ACAD10: variants seen among roughly 807,000 people sequenced by gnomAD.
ACAD10 encodes ACAD-10.
In ACAD10, 112 loss-of-function variants were observed where a neutral mutation model predicts 116.8. The ratio of observed to expected loss-of-function variants is 0.96; its 90% CI spans 0.82 to 1.12. The LOEUF is 1.12. Ranked by LOEUF, ACAD10 falls within the 50% of genes most tolerant of loss-of-function variation. ACAD10 has a pLI of 0.00. For synonymous variants in ACAD10, 486 were observed against 510.6 expected, an observed-to-expected ratio of 0.95 and a Z score of 0.65; for missense variants, 1,259 against 1,350.2, an observed-to-expected ratio of 0.93 and a Z score of 1.06.
chr12:111,741,453 C>T (rs1178643231), intron 12 of ACAD10, among the ~76,000 whole-genome samples: 1 of 152,212 alleles, frequency 6.6e-6, no homozygotes, highest in Non-Finnish European at 1.5e-5. Context: ...GCCTGTCTCT[C>T]AGGAAGCCCT....
chr12:111,739,223 A>G (rs2135983548), intron 12 of ACAD10, among the ~76,000 whole-genome samples: 1 of 152,310 alleles, frequency 6.6e-6, no homozygotes, highest in East Asian at 1.9e-4. Flanking sequence ...CAGACATTAT[A>G]TACCTCCTGA....
At position 111,721,663 on chromosome 12, in the gene ACAD10, C is replaced by A; in HGVS notation, c.993-8C>A. 1 of 1,593,472 alleles carries A rather than the reference C, an allele frequency of 6.3e-7. No individual in the cohort carries two copies. Among genetic ancestry groups the A allele is most frequent in the Non-Finnish European group, 8.6e-7 (1 of 1,165,000 alleles). On this transcript the variant is annotated splice_region_variant and splice_polypyrimidine_tract_variant and intron_variant, in intron 7 of 20. Coordinates refer to ENST00000313698, the MANE Select transcript of ACAD10 (RefSeq NM_025247.6). Reference sequence around the variant, plus strand: ...AGCAATTTTGTTTATTTTCATTTGTCCTTGCAGGATTATGAAAGCCCTTGC... The same window carrying A: ...AGCAATTTTGTTTATTTTCATTTGTACTTGCAGGATTATGAAAGCCCTTGC...
intron 11 of ACAD10, among the ~76,000 whole-genome samples, chr12:111,736,272 T>C (rs1028256668): frequency 6.7e-6 from 1 of 149,624 alleles, no homozygotes; most frequent in Admixed American, 6.8e-5. Flanking sequence ...CTGCAACCTC[T>C]GCCTCCTGGA....
rs78909071 is a variant in ACAD10, at chr12:111,692,686, T to C, written c.-13-11T>C. On this transcript the variant is annotated splice_polypyrimidine_tract_variant and intron_variant, in intron 1 of 20. Transcript: ENST00000313698. Reference sequence around the variant, plus strand: ...CAGGCAAGTAACGCCCTGTGCCTTCTTCCCACACAGCCTCAGCCTCACCAT... The same window carrying C: ...CAGGCAAGTAACGCCCTGTGCCTTCCTCCCACACAGCCTCAGCCTCACCAT... 4,669 of 1,607,590 alleles carry C rather than the reference T, an allele frequency of 2.9e-3. 122 individuals carry two copies. The African/African-American group carries it at 0.053, about 18-fold the overall frequency.
At position 111,715,883 on chromosome 12, in the gene ACAD10, G is replaced by A. The variant is rs370830694; in HGVS notation, c.913G>A (p.Ala305Thr). 1.9e-6 allele frequency: 3 copies of A among 1,613,936 alleles called. No individual in the cohort carries two copies. In the African/African-American group the frequency reaches 4.0e-5, roughly 22 times the overall value. ...AAATCCAACTTACTACATCAGGCTGGCTAATCGTGATCTAGTTCTGAGGAA... is the reference window on the plus strand; with the variant it reads ...AAATCCAACTTACTACATCAGGCTGACTAATCGTGATCTAGTTCTGAGGAA... ...QSNPTYYIRL[A>T]NRDLVLRKKP... Residue 305 changes from alanine to threonine, a missense_variant, in exon 7 of 21, where the codon GCT (alanine) becomes ACT (threonine). Coordinates refer to ENST00000313698, the MANE Select transcript of ACAD10 (RefSeq NM_025247.6).
At chr12:111,709,887 C>T (rs577731468) in intron 5 of ACAD10, 17 of 591,598 alleles carry the variant, frequency 2.9e-5, no homozygotes, top group Non-Finnish European at 4.8e-5. Flanking sequence ...ACAGGTACTG[C>T]GAAGGCAGGT....
intron 19 of ACAD10, among the ~76,000 whole-genome samples, chr12:111,754,790 G>A (rs972006227): frequency 6.6e-6 from 1 of 152,232 alleles, no homozygotes. Flanking sequence ...AGAGCTGGCC[G>A]TGACCCTGAG....
intron 8 of ACAD10, among the ~76,000 whole-genome samples, chr12:111,724,579 G>A (rs2135969547): frequency 6.6e-6 from 1 of 152,336 alleles, no homozygotes. Flanking sequence ...GAGGCTGGCG[G>A]ATCACTCGCG....
At chr12:111,716,107 T>G in intron 7 of ACAD10, 145 bp downstream of exon 7, 1 of 1,230,660 alleles carries the variant, frequency 8.1e-7, no homozygotes, top group Admixed American at 2.4e-5. Flanking sequence ...GGGTCACACC[T>G]ATAATCCCAG....
chr12:111,734,877 A>G (rs1889500292), intron 11 of ACAD10, among the ~76,000 whole-genome samples: 2 of 152,164 alleles, frequency 1.3e-5, no homozygotes, highest in Admixed American at 6.5e-5. Flanking sequence ...GACATTAAGT[A>G]TTTCTTCTAT....
intron 14 of ACAD10, among the ~76,000 whole-genome samples, 191 bp downstream of exon 14, chr12:111,746,475 C>T (rs527906192): frequency 1.3e-5 from 2 of 152,046 alleles, no homozygotes; most frequent in East Asian, 3.9e-4. Context: ...GCAACCCCTG[C>T]CTCCTGGGTT....
At chr12:111,688,414 T>C (rs1887942192) in intron 1 of ACAD10, among the ~76,000 whole-genome samples, 1 of 152,182 alleles carries the variant, frequency 6.6e-6, no homozygotes, top group South Asian at 2.1e-4. Flanking sequence ...CCAAAATCTG[T>C]GGATGCTCAA....
At position 111,747,152 on chromosome 12, in the gene ACAD10, A is replaced by C; in HGVS notation, c.2360A>C (p.Lys787Thr). Residue 787 changes from lysine to threonine, a missense_variant, in exon 15 of 21, where the codon AAA becomes ACA. By Grantham distance (78) the Lys-to-Thr change is moderately conservative (BLOSUM62 -1). Coordinates refer to ENST00000313698, the MANE Select transcript of ACAD10 (RefSeq NM_025247.6). ...TGGCTGATTCCTCTGCTGGAGGGGA[A>C]AGCCCGCTCCTGTTTTGCTATGACC... Reference protein sequence around the residue: ...ARWLIPLLEGKARSCFAMTEP... With the variant: ...ARWLIPLLEGTARSCFAMTEP... The C allele has an allele frequency of 6.2e-7, 1 of 1,612,748 alleles. No homozygotes were observed. The highest frequency in any genetic ancestry group is 8.5e-7 in the Non-Finnish European group (1 of 1,179,038).
intron 3 of ACAD10, among the ~76,000 whole-genome samples, chr12:111,703,485 ATGG>A (rs1888409761): frequency 1.3e-5 from 2 of 152,212 alleles, no homozygotes; most frequent in African/African-American, 4.8e-5. Context: ...CTGTAGGTAG[ATGG>A]TGATGATGGT....
intron 2 of ACAD10, among the ~76,000 whole-genome samples, chr12:111,696,965 C>CA (rs1221091251): frequency 6.6e-6 from 1 of 151,968 alleles, no homozygotes; most frequent in African/African-American, 2.4e-5. Context: ...CCTGTGGTCC[C>CA]AGCTACTTGG....
intron 12 of ACAD10, among the ~76,000 whole-genome samples, chr12:111,739,530 G>C (rs927374679): frequency 3.3e-5 from 5 of 152,256 alleles, no homozygotes; most frequent in Admixed American, 1.3e-4. Context: ...ACCGAGGTGG[G>C]TGGATCACCT....
chr12:111,752,058 CAAAA>C, intron 18 of ACAD10, among the ~76,000 whole-genome samples: 1 of 104,604 alleles, frequency 9.6e-6, no homozygotes, highest in Admixed American at 1.0e-4. Flanking sequence ...TACTCTGTCT[CAAAA>C]AAAAAAAAAA....
chr12:111,701,805 C>T (rs998730741), intron 2 of ACAD10, among the ~76,000 whole-genome samples: 1 of 152,180 alleles, frequency 6.6e-6, no homozygotes, highest in Non-Finnish European at 1.5e-5. Context: ...GATCTGGCTT[C>T]TTCCTTCATG....
chr12:111,692,667 A>C, intron 1 of ACAD10, 30 bp from the exon 2 acceptor site: 1 of 1,588,064 alleles, frequency 6.3e-7, no homozygotes, highest in Non-Finnish European at 8.6e-7. Context: ...AGTGCAGGCA[A>C]GTAACGCCCT....
Sources: gnomAD v4.1 joint callset for allele counts (sites outside exome capture counted in the v4.1 genomes callset) on GRCh38, gnomAD v4.1.1 for gene constraint, MANE v1.5 for transcripts, NCBI Gene and HGNC (gene_info 2026-07-23, HGNC 2026-07-21) for gene names.